Variants in ZNF326 observed in about 807,000 individuals in gnomAD.
The protein encoded by ZNF326 is DBIRD complex subunit ZNF326.
A neutral mutation model predicts 63.1 loss-of-function variants in ZNF326; 30 were observed. The observed-to-expected ratio is 0.48, with a 90% CI of 0.36 to 0.64. ZNF326 has a LOEUF of 0.64. Among genes scored for constraint, ZNF326 ranks in the 30% least tolerant of loss-of-function variants. The pLI, the probability that ZNF326 is intolerant of heterozygous loss-of-function variation, is 0.00. For synonymous variants in ZNF326, 194 were observed against 228.2 expected, an observed-to-expected ratio of 0.85 and a Z score of 1.35; for missense variants, 609 against 720.3, an observed-to-expected ratio of 0.85 and a Z score of 1.77.
chr1:90,025,356 G>A (rs1004577645), intron 11 of ZNF326, among the ~76,000 whole-genome samples: 1 of 152,126 alleles, frequency 6.6e-6, no homozygotes, highest in Admixed American at 6.5e-5. Flanking sequence ...GAGTGCAGTG[G>A]TGTGATCTGG....
chr1:90,016,576 G>C (rs1370239816), intron 7 of ZNF326, among the ~76,000 whole-genome samples: 1 of 151,998 alleles, frequency 6.6e-6, no homozygotes, highest in Admixed American at 6.6e-5. Context: ...AATTAGCCAG[G>C]TGTGGTGGCG....
chr1:90,003,757 A>G (rs1186977335), intron 2 of ZNF326, among the ~76,000 whole-genome samples: 1 of 152,218 alleles, frequency 6.6e-6, no homozygotes, highest in Non-Finnish European at 1.5e-5. Context: ...AAATCATTTC[A>G]TCTCTTTGGA....
intron 2 of ZNF326, among the ~76,000 whole-genome samples, chr1:89,999,576 A>C (rs1025766031): frequency 2.6e-5 from 4 of 152,150 alleles, no homozygotes; most frequent in Non-Finnish European, 5.9e-5. Flanking sequence ...GATTGTTGGA[A>C]TCTCTTGGGG....
At chr1:90,006,285 T>C in intron 4 of ZNF326, 2 of 980,810 alleles carry the variant, frequency 2.0e-6, no homozygotes, top group Non-Finnish European at 2.4e-6. Context: ...TATTTAGTGA[T>C]CTGTAAATAA....
rs374793285 is a variant in ZNF326, at chr1:90,020,857, A to G, written c.1240A>G (p.Ile414Val). 8.7e-6 allele frequency: 14 copies of G among 1,613,096 alleles called. No individual in the cohort carries two copies. The highest frequency in any genetic ancestry group is 3.3e-5 in the Admixed American group (2 of 59,988). Residue 414 changes from isoleucine (I) to valine (V), a missense_variant, in exon 10 of 12, where the codon ATC becomes GTC. Around this residue, in one of 3 missense-constraint regions of ZNF326, gnomAD observed 399 missense variants for 444.3 expected, o/e 0.90. Transcript: ENST00000340281. ...TVHCSACSVY[I>V]PALHSSVQQH... ...TCATTGCAGCGCTTGCAGTGTTTAT[A>G]TCCCTGCTTTACATAGTTCAGTTCA...
rs918051768 is a variant in ZNF326 at position 90,028,228 on chromosome 1, T to C, written c.*527T>C. 6.5e-6 allele frequency: 1 copy of C among 153,636 alleles called. No homozygotes were observed. The highest frequency in any genetic ancestry group is 2.4e-5 in the African/African-American group (1 of 41,468). The allele number at this position is 153,636 out of a possible 1,614,324, so 9.5% of individuals were successfully genotyped here. On this transcript the variant is annotated 3_prime_UTR_variant, in exon 12 of 12. Transcript: ENST00000340281. ...GCAATAAAATGTTTTTTACGAAAAC[T>C]TTCTCCCTGGATTAGCAGTTTAAAT...
chr1:90,006,361 T>C, intron 4 of ZNF326: 1 of 981,602 alleles, frequency 1.0e-6, no homozygotes, highest in Non-Finnish European at 1.2e-6. Flanking sequence ...GTGAATGTAA[T>C]GTGCATAAGC....
intron 9 of ZNF326, 119 bp downstream of exon 9, chr1:90,018,903 T>G: frequency 2.4e-6 from 1 of 420,568 alleles, no homozygotes; most frequent in Non-Finnish European, 4.2e-6. Flanking sequence ...ACAGTAGCTC[T>G]GAGTGAGTTA....
chr1:90,016,047 A>G (rs1033983813), intron 7 of ZNF326, among the ~76,000 whole-genome samples: 4 of 152,162 alleles, frequency 2.6e-5, no homozygotes, highest in African/African-American at 7.2e-5. Flanking sequence ...TATGGAGCTA[A>G]TGAAGCCCTT....
rs751440525 is a variant in ZNF326, at chr1:90,007,644, T to C, written c.509T>C (p.Val170Ala). ...TCACCCCATATGAAGCCTGCACCTG[T>C]AGGCTCTCGGGGGAGAGGAACGCCT... is the stretch of plus-strand genomic sequence containing the variant. ...FSSPHMKPAP[V>A]GSRGRGTPAY... The change falls in exon 5 of 12, where the codon GTA becomes GCA. Residue 170 changes from valine to alanine, a missense_variant. Transcript: ENST00000340281. The surrounding 1 kb of genome is among the most constrained non-coding windows in gnomAD (Gnocchi z 4.9). 8.3e-6 allele frequency: 13 copies of C among 1,557,446 alleles called. No individual in the cohort carries two copies. The highest frequency in any genetic ancestry group is 1.7e-4 in the Middle Eastern group (1 of 5,752).
chr1:90,030,785 C>T lies in ZNF326; in HGVS notation c.*3084C>T, dbSNP rs1424515091. The T allele has an allele frequency of 6.6e-6, 1 of 152,148 alleles. No homozygotes were observed. Among genetic ancestry groups the T allele is most frequent in the Non-Finnish European group, 1.5e-5 (1 of 68,148 alleles). The allele number at this position is 152,148 out of a possible 1,614,324, so 9.4% of individuals were successfully genotyped here. On this transcript the variant is annotated 3_prime_UTR_variant, in exon 12 of 12. Coordinates refer to ENST00000340281, the MANE Select transcript of ZNF326 (RefSeq NM_182976.4). ...GGCTCAAGCGGTCGTCCCGCCTTAG[C>T]CTCCCAAGTAGCTGGGACCACAGAC...
In ZNF326 at chr1:90,013,232, A is replaced by T; in HGVS notation, c.921A>T (p.Gly307=). The change falls in exon 7 of 12, where the codon GGA becomes GGT. Residue 307 remains glycine, a synonymous_variant. Coordinates refer to ENST00000340281, the MANE Select transcript of ZNF326 (RefSeq NM_182976.4). Reference sequence around the variant, plus strand: ...AAAACAGTGAGAAATACGGAGATGGATACAGGTTTGTACTTAGAGTCAGAA... The same window carrying T: ...AAAACAGTGAGAAATACGGAGATGGTTACAGGTTTGTACTTAGAGTCAGAA... ...REKNSEKYGD[G]YRMAFTCSFC... is the part of the protein sequence containing the mutation. 1.5e-5 allele frequency: 24 copies of T among 1,598,752 alleles called. No homozygotes were observed. Among genetic ancestry groups the T allele is most frequent in the Non-Finnish European group, 2.0e-5 (24 of 1,173,304 alleles).
chr1:89,995,966 G>C (rs533252804), intron 1 of ZNF326, among the ~76,000 whole-genome samples: 2 of 152,312 alleles, frequency 1.3e-5, no homozygotes, highest in Admixed American at 6.5e-5. Flanking sequence ...AAGTTAATCA[G>C]AATTTTGGCA....
At chr1:90,010,360 T>A in intron 6 of ZNF326, 74 bp downstream of exon 6, 1 of 1,472,390 alleles carries the variant, frequency 6.8e-7, no homozygotes, top group South Asian at 1.3e-5. Context: ...TTTGGTAATT[T>A]TTTCATGTTT....
chr1:90,025,587 G>C (rs1649980724), intron 11 of ZNF326, among the ~76,000 whole-genome samples: 1 of 152,206 alleles, frequency 6.6e-6, no homozygotes, highest in Non-Finnish European at 1.5e-5. Context: ...ATCTCAGGGT[G>C]CTGGAATCAG....
rs1312619394 is a variant in ZNF326 at position 90,031,071 on chromosome 1, A to T, written c.*3370A>T. 6.6e-6 allele frequency: 1 copy of T among 152,212 alleles called. No homozygotes were observed. Among genetic ancestry groups the T allele is most frequent in the East Asian group, 1.9e-4 (1 of 5,200 alleles). The allele number at this position is 152,212 out of a possible 1,614,324, so 9.4% of individuals were successfully genotyped here. A position where few individuals can be genotyped will look rare whatever the true frequency, so the allele number is the denominator to read the frequency against. Reference sequence around the variant, plus strand: ...CCTCATACAAATTTCTGGTGCCTGTAACTCTTCCCCTATCAAGGCAGGAGT... The same window carrying T: ...CCTCATACAAATTTCTGGTGCCTGTTACTCTTCCCCTATCAAGGCAGGAGT... On this transcript the variant is annotated 3_prime_UTR_variant, in exon 12 of 12. Transcript: ENST00000340281.
intron 2 of ZNF326, among the ~76,000 whole-genome samples, chr1:90,002,961 T>C (rs573512652): frequency 5.9e-5 from 9 of 152,314 alleles, no homozygotes; most frequent in African/African-American, 2.2e-4. Context: ...TATTCAGTGA[T>C]ACCACCACCA....
At chr1:90,003,194 G>A (rs924645840) in intron 2 of ZNF326, among the ~76,000 whole-genome samples, 11 of 149,934 alleles carry the variant, frequency 7.3e-5, no homozygotes, top group African/African-American at 2.7e-4. Flanking sequence ...GCAGTGGCAC[G>A]ATCTTGGCTC....
rs190027136 is a variant in ZNF326 at position 90,034,573 on chromosome 1, C to A, written c.*6872C>A. On this transcript the variant is annotated 3_prime_UTR_variant, in exon 12 of 12. Coordinates refer to ENST00000340281, the MANE Select transcript of ZNF326 (RefSeq NM_182976.4). Reference sequence around the variant, plus strand: ...TGATAGGTAGGAATTCAGGGTCCATCCTGTCATCACAATGCAATGAAACAA... The same window carrying A: ...TGATAGGTAGGAATTCAGGGTCCATACTGTCATCACAATGCAATGAAACAA... 2.0e-5 allele frequency: 3 copies of A among 152,196 alleles called. No individual in the cohort carries two copies. Among genetic ancestry groups the A allele is most frequent in the African/African-American group, 7.2e-5 (3 of 41,548 alleles). The allele number at this position is 152,196 out of a possible 1,614,324, so 9.4% of individuals were successfully genotyped here.
Sources: allele counts gnomAD v4.1 joint callset (sites outside exome capture counted in the v4.1 genomes callset), GRCh38; gene constraint gnomAD v4.1.1; regional missense constraint gnomAD v4.1.1; non-coding constraint Gnocchi (gnomAD v3.1); transcripts MANE v1.5; gene names NCBI Gene and HGNC (gene_info 2026-07-23, HGNC 2026-07-21).